RPH3AL: variants seen among roughly 807,000 people sequenced by gnomAD.
RPH3AL encodes rabphilin 3A like (without C2 domains).
RPH3AL carries 38 observed loss-of-function variants against 43.1 expected under a neutral mutation model. The observed-to-expected ratio is 0.88, with a 90% CI of 0.68 to 1.15. The LOEUF (loss-of-function observed/expected upper bound fraction) is 1.15. Among genes scored for constraint, RPH3AL ranks in the 50% most tolerant of loss-of-function variants. RPH3AL has a pLI of 0.00. For synonymous variants in RPH3AL, 189 were observed against 176.3 expected (o/e 1.07, Z -0.57); for missense variants, 462 against 423.2 (o/e 1.09, Z -0.81).
In RPH3AL at chr17:216,241, C is replaced by G. The variant is rs540995853; in HGVS notation, c.728-439G>C. ...CATGGCTGCCGGGCTCTGGCCTGACCTCACCCACATGGCTGCAGGGCTCTG... is the reference window on the plus strand; with the variant it reads ...CATGGCTGCCGGGCTCTGGCCTGACGTCACCCACATGGCTGCAGGGCTCTG... On this transcript the variant is annotated intron_variant, in intron 8 of 9. Transcript: ENST00000331302. Among the ~76,000 whole-genome samples, 205 of 151,074 alleles carry G rather than the reference C, an allele frequency of 1.4e-3. 13 individuals are homozygous for G. The highest frequency in any genetic ancestry group is 4.9e-3 in the African/African-American group (201 of 40,940).
At chr17:321,616 A>AGC in intron 3 of RPH3AL, 1 of 466,080 alleles carries the variant, frequency 2.1e-6, no homozygotes, top group Non-Finnish European at 3.7e-6. Flanking sequence ...CCCAGGTGGC[A>AGC]ACAGAGACGG....
chr17:336,991 G>A (rs546469446), intron 1 of RPH3AL, among the ~76,000 whole-genome samples: 93 of 152,270 alleles, frequency 6.1e-4, no homozygotes, highest in African/African-American at 1.9e-3. Flanking sequence ...CATTCCGCCC[G>A]CATCCTCGGG....
chr17:311,875 T>C (rs2043654703), intron 5 of RPH3AL, among the ~76,000 whole-genome samples: 1 of 152,122 alleles, frequency 6.6e-6, no homozygotes, highest in African/African-American at 2.4e-5. Flanking sequence ...CTGAACTGTG[T>C]CCCTTCAAAA....
intron 2 of RPH3AL, among the ~76,000 whole-genome samples, chr17:329,822 T>A (rs1253500293): frequency 2.0e-5 from 3 of 152,232 alleles, no homozygotes; most frequent in African/African-American, 4.8e-5. Context: ...CACAAATACG[T>A]ATGATGGCTG....
intron 7 of RPH3AL, among the ~76,000 whole-genome samples, chr17:241,236 G>T (rs1051723104): frequency 6.6e-6 from 1 of 151,490 alleles, no homozygotes; most frequent in Non-Finnish European, 1.5e-5. Context: ...CAAAATATAC[G>T]AATTTAAAAG....
At chr17:239,596 C>G (rs932511982) in intron 7 of RPH3AL, among the ~76,000 whole-genome samples, 12 of 152,096 alleles carry the variant, frequency 7.9e-5, no homozygotes, top group African/African-American at 2.9e-4. Context: ...CTGGATAGTT[C>G]TTTCCACTAC....
chr17:265,196 CCCACCTA>C (rs1353154875), intron 6 of RPH3AL, among the ~76,000 whole-genome samples: 1 of 152,194 alleles, frequency 6.6e-6, no homozygotes, highest in Non-Finnish European at 1.5e-5. Flanking sequence ...AATCGATCCT[CCCACCTA>C]GGCTTCCCGA....
intron 6 of RPH3AL, among the ~76,000 whole-genome samples, chr17:252,380 C>T (rs71372192): frequency 0.019 from 2,902 of 152,280 alleles, 50 homozygotes; most frequent in South Asian, 0.037. Flanking sequence ...TGCACAGAGA[C>T]GCCCTGCTGA....
chr17:296,932 G>T (rs1372472554), intron 5 of RPH3AL, among the ~76,000 whole-genome samples: 1 of 152,170 alleles, frequency 6.6e-6, no homozygotes, highest in Non-Finnish European at 1.5e-5. Context: ...AGCATCCAAG[G>T]GGACAAGGCT....
chr17:309,435 G>T (rs2043579583), intron 5 of RPH3AL, among the ~76,000 whole-genome samples: 1 of 151,938 alleles, frequency 6.6e-6, no homozygotes, highest in African/African-American at 2.4e-5. Context: ...CCTGCTGGGG[G>T]TCCGGGATAC....
Position 290,159 on chromosome 17 carries a change from G to A in RPH3AL, c.352-8305C>T, listed in dbSNP as rs1024151154. Among the ~76,000 whole-genome samples, 3 of 152,268 alleles carry A rather than the reference G, an allele frequency of 2.0e-5. No individual in the cohort carries two copies. Among genetic ancestry groups the A allele is most frequent in the Non-Finnish European group, 4.4e-5 (3 of 68,050 alleles). ...TGCCGACCTGCCGGGAAGACAAGCT[G>A]CACGGAGGCGTGAAGGCACTCGCTC... is the stretch of plus-strand genomic sequence containing the variant. On this transcript the variant is annotated intron_variant, in intron 5 of 9. Coordinates refer to ENST00000331302, the MANE Select transcript of RPH3AL (RefSeq NM_006987.4). This position sits in a 1 kb window ranked among gnomAD's most constrained non-coding sequence, Gnocchi z 4.2.
At chr17:332,024 C>G in intron 2 of RPH3AL, 4 of 482,848 alleles carry the variant, frequency 8.3e-6, no homozygotes, top group South Asian at 5.4e-5. Context: ...GTGGACAGGG[C>G]TGGTGGAGCT....
chr17:230,003 C>G (rs2041194815), intron 7 of RPH3AL, among the ~76,000 whole-genome samples: 1 of 152,262 alleles, frequency 6.6e-6, no homozygotes, highest in Non-Finnish European at 1.5e-5. Flanking sequence ...CCACCCCTGA[C>G]AGCCACAGGA....
intron 6 of RPH3AL, among the ~76,000 whole-genome samples, chr17:272,520 C>G (rs975636606): frequency 1.2e-4 from 18 of 146,552 alleles, no homozygotes; most frequent in Middle Eastern, 3.8e-3. Context: ...AAACCAAACA[C>G]CGCATGTTCT....
chr17:241,798 C>A (rs1454419064), intron 7 of RPH3AL, among the ~76,000 whole-genome samples: 3 of 138,566 alleles, frequency 2.2e-5, no homozygotes, highest in Non-Finnish European at 4.6e-5. Flanking sequence ...TAAAATATAT[C>A]TTGTATTCTT....
At chr17:331,919 G>A (rs2044779795) in intron 2 of RPH3AL, 2 of 1,254,402 alleles carry the variant, frequency 1.6e-6, no homozygotes, top group Admixed American at 2.3e-5. Context: ...ACAAAATAGG[G>A]CCTTATAGAA....
Position 212,976 on chromosome 17 carries a change from G to C in RPH3AL, c.*876C>G, listed in dbSNP as rs2040709380. ...GGATTCAAAGAAACCTAATAGGATT[G>C]GGTGCGGTGGCTCACACCTGTAATC... On this transcript the variant is annotated 3_prime_UTR_variant, in exon 10 of 10. Coordinates refer to ENST00000331302, the MANE Select transcript of RPH3AL (RefSeq NM_006987.4). The C allele has an allele frequency of 6.6e-6, 1 of 152,076 alleles. No individual in the cohort carries two copies. Among genetic ancestry groups the C allele is most frequent in the Non-Finnish European group, 1.5e-5 (1 of 68,088 alleles). The allele number at this position is 152,076 out of a possible 1,614,324, so 9.4% of individuals were successfully genotyped here. A position where few individuals can be genotyped will look rare whatever the true frequency, so the allele number is the denominator to read the frequency against.
intron 5 of RPH3AL, among the ~76,000 whole-genome samples, chr17:303,805 C>T (rs111596188): frequency 1.5e-3 from 27 of 17,902 alleles, no homozygotes; most frequent in Admixed American, 0.014. Context: ...GTGACCGTGT[C>T]TCAGGAAAGA....
At chr17:319,139 CT>C (rs2044386518) in intron 5 of RPH3AL, among the ~76,000 whole-genome samples, 1 of 152,170 alleles carries the variant, frequency 6.6e-6, no homozygotes, top group Non-Finnish European at 1.5e-5. Flanking sequence ...AGCAGAAGAG[CT>C]AGATTCACAG....
Sources: allele counts gnomAD v4.1 joint callset (sites outside exome capture counted in the v4.1 genomes callset), GRCh38; gene constraint gnomAD v4.1.1; non-coding constraint Gnocchi (gnomAD v3.1); transcripts MANE v1.5; gene names NCBI Gene and HGNC (gene_info 2026-07-23, HGNC 2026-07-21).